Variants in PMS1 observed in about 807,000 individuals in gnomAD.
PMS1 encodes the protein PMS1 protein homolog 1.
A neutral mutation model predicts 93.1 loss-of-function variants in PMS1; 79 were observed. That is an observed-to-expected ratio of 0.85 (90% CI 0.71 to 1.02). The LOEUF is 1.02. Ranked by LOEUF, PMS1 falls within the 50% of genes least tolerant of loss-of-function variation. PMS1 has a pLI of 0.00. For synonymous variants in PMS1, 335 were observed against 363.4 expected (o/e 0.92, Z 0.89); for missense variants, 1,064 against 1,085.3 (o/e 0.98, Z 0.28).
chr2:189,860,852 C>T, intron 9 of PMS1, among the ~76,000 whole-genome samples: 1 of 70,648 alleles, frequency 1.4e-5, no homozygotes, highest in African/African-American at 5.3e-5. Context: ...GGAGGAGGAT[C>T]TCTAGTTCTG....
In PMS1 at chr2:189,805,755, G is replaced by A; in HGVS notation, c.418+1G>A. On this transcript the variant is annotated splice_donor_variant, in intron 4 of 12. Coordinates refer to ENST00000441310, the MANE Select transcript of PMS1 (RefSeq NM_000534.5). LOFTEE classifies it high-confidence loss of function. ...CAGAAACCTTCACATCTTGGTCAAG[G>A]TAAGAAAGTAGCTTTGTATACAAAC... 6.2e-7 allele frequency: 1 copy of A among 1,613,698 alleles called. No homozygotes were observed. Among genetic ancestry groups the A allele is most frequent in the Non-Finnish European group, 8.5e-7 (1 of 1,179,860 alleles).
rs370578519 is a variant in PMS1 at position 189,863,985 on chromosome 2, C to T, written c.2099C>T (p.Pro700Leu). Residue 700 changes from proline to leucine, a missense_variant, in exon 10 of 13, where the codon CCC (proline) becomes CTC (leucine). Transcript: ENST00000441310. ...CAAAATATTAAAATGGTACAGATCC[C>T]CTTTTCTATGAAAAACTTAAAAATA... ...RSQNIKMVQI[P>L]FSMKNLKINF... The T allele has an allele frequency of 4.4e-6, 7 of 1,608,040 alleles. No homozygotes were observed. The African/African-American group carries it at 8.0e-5, about 18-fold the overall frequency.
At chr2:189,865,963 C>G (rs1296459027) in intron 10 of PMS1, among the ~76,000 whole-genome samples, 1 of 152,132 alleles carries the variant, frequency 6.6e-6, no homozygotes, top group Non-Finnish European at 1.5e-5. Flanking sequence ...AAAACAGGGA[C>G]AGAACACAGA....
At chr2:189,814,653 G>C (rs2051122636) in intron 4 of PMS1, among the ~76,000 whole-genome samples, 1 of 152,088 alleles carries the variant, frequency 6.6e-6, no homozygotes, top group Admixed American at 6.5e-5. Flanking sequence ...TGGCAAACAT[G>C]GTAGTTCTTT....
intron 4 of PMS1, 104 bp downstream of exon 4, chr2:189,805,858 C>CT: frequency 6.4e-7 from 1 of 1,558,832 alleles, no homozygotes. Context: ...TTGCTTTGGG[C>CT]TTGGTCCTGA....
At chr2:189,809,017 C>A (rs1457950353) in intron 4 of PMS1, among the ~76,000 whole-genome samples, 2 of 152,124 alleles carry the variant, frequency 1.3e-5, no homozygotes, top group Non-Finnish European at 2.9e-5. Context: ...TTAGAAATTT[C>A]TCATATATCA....
At chr2:189,815,897 C>G (rs922429691) in intron 4 of PMS1, among the ~76,000 whole-genome samples, 2 of 152,128 alleles carry the variant, frequency 1.3e-5, no homozygotes, top group African/African-American at 4.8e-5. Context: ...CTTGTTGTCA[C>G]AAAATGTCTT....
chr2:189,812,169 T>C (rs1234834), intron 4 of PMS1, among the ~76,000 whole-genome samples: 63,069 of 151,746 alleles, frequency 0.42, 17,029 homozygotes, highest in African/African-American at 0.78. Context: ...GGTGTGGTGG[T>C]GCATACCTGT....
At chr2:189,846,504 A>G (rs1352289213) in intron 6 of PMS1, among the ~76,000 whole-genome samples, 1 of 144,332 alleles carries the variant, frequency 6.9e-6, no homozygotes, top group African/African-American at 2.6e-5. Flanking sequence ...ACAGAGCAAG[A>G]CTCCGTCTCA....
intron 5 of PMS1, among the ~76,000 whole-genome samples, chr2:189,820,151 A>T (rs1356411398): frequency 6.6e-6 from 1 of 152,160 alleles, no homozygotes; most frequent in African/African-American, 2.4e-5. Context: ...CAACCAAGTG[A>T]TGTAGGGATT....
chr2:189,824,768 A>C (rs1185362969), intron 5 of PMS1, among the ~76,000 whole-genome samples: 1 of 152,116 alleles, frequency 6.6e-6, no homozygotes, highest in East Asian at 1.9e-4. Flanking sequence ...ATTTATGTTC[A>C]AGCTTTTTTC....
chr2:189,804,527 G>C (rs2050168443), intron 3 of PMS1, among the ~76,000 whole-genome samples: 1 of 152,102 alleles, frequency 6.6e-6, no homozygotes, highest in Non-Finnish European at 1.5e-5. Context: ...CATTTTCAGA[G>C]AGAATCTAAC....
At chr2:189,820,174 C>T (rs1382114604) in intron 5 of PMS1, among the ~76,000 whole-genome samples, 2 of 152,216 alleles carry the variant, frequency 1.3e-5, no homozygotes, top group Non-Finnish European at 2.9e-5. Flanking sequence ...ATCAGTTTTG[C>T]AGTTGTTCTC....
intron 5 of PMS1, among the ~76,000 whole-genome samples, chr2:189,824,962 G>A (rs2052297563): frequency 6.6e-6 from 1 of 151,822 alleles, no homozygotes; most frequent in East Asian, 1.9e-4. Flanking sequence ...CATTCTATAT[G>A]TACTTTTTTG....
chr2:189,829,477 C>A (rs948740336), intron 5 of PMS1, among the ~76,000 whole-genome samples: 1 of 152,106 alleles, frequency 6.6e-6, no homozygotes, highest in Non-Finnish European at 1.5e-5. Flanking sequence ...TCTCTCCTTA[C>A]CCTGCTTAAA....
chr2:189,863,875 C>G lies in PMS1; in HGVS notation c.1989C>G (p.Ala663=). ...AACCCACCAGCGCATGGAATTTGGC[C>G]CAGAAGCACAAGTTAAAAACCTCAT... ...KIKPTSAWNL[A]QKHKLKTSLS... is the part of the protein sequence containing the mutation. Residue 663 remains alanine (A), a synonymous_variant, in exon 10 of 13, where the codon GCC becomes GCG. Coordinates refer to ENST00000441310, the MANE Select transcript of PMS1 (RefSeq NM_000534.5). 6.2e-7 allele frequency: 1 copy of G among 1,613,798 alleles called. No homozygotes were observed. The highest frequency in any genetic ancestry group is 1.1e-5 in the South Asian group (1 of 91,058).
chr2:189,836,891 A>G lies in PMS1; in HGVS notation c.583-7073A>G, dbSNP rs574512462. Among the ~76,000 whole-genome samples the G allele has an allele frequency of 5.3e-5, 8 of 152,304 alleles. 1 individual carries two copies. In the East Asian group the frequency reaches 1.5e-3, roughly 29 times the overall value. ...AAGTGATCTTTTTACGGTTGTGTAT[A>G]CTAACTATTCAGCAGGTCAGGCAGT... On this transcript the variant is annotated intron_variant, in intron 5 of 12. Coordinates refer to ENST00000441310, the MANE Select transcript of PMS1 (RefSeq NM_000534.5).
intron 5 of PMS1, among the ~76,000 whole-genome samples, chr2:189,842,651 C>G (rs752339187): frequency 2.6e-4 from 39 of 152,122 alleles, no homozygotes; most frequent in Non-Finnish European, 5.3e-4. Flanking sequence ...AGACACACTT[C>G]CAAATTACTT....
chr2:189,833,861 G>C (rs906080845), intron 5 of PMS1, among the ~76,000 whole-genome samples: 1 of 152,012 alleles, frequency 6.6e-6, no homozygotes, highest in African/African-American at 2.4e-5. Context: ...TTTTACTTTT[G>C]AGGAAAAAAT....
Sources: allele counts gnomAD v4.1 joint callset (sites outside exome capture counted in the v4.1 genomes callset), GRCh38; gene constraint gnomAD v4.1.1; transcripts MANE v1.5; gene names NCBI Gene and HGNC (gene_info 2026-07-23, HGNC 2026-07-21).